Variants in SLC35F4 observed in about 807,000 individuals in gnomAD.
SLC35F4 encodes the protein solute carrier family 35 member F4.
A neutral mutation model predicts 44.2 loss-of-function variants in SLC35F4; 24 were observed. The ratio of observed to expected loss-of-function variants is 0.54; its 90% CI spans 0.39 to 0.76. The LOEUF is 0.76. Ranked by LOEUF, SLC35F4 falls within the 30% of genes least tolerant of loss-of-function variation. The probability of loss-of-function intolerance (pLI) is 0.00; values close to 1 mark genes in which losing one functional copy is unlikely to be tolerated. For missense variants in SLC35F4, 562 were observed against 586.1 expected (o/e 0.96, Z 0.42); for synonymous variants, 238 against 223.6 (o/e 1.06, Z -0.57).
chr14:57,705,357 T>G (rs1397370994), intron 1 of SLC35F4, among the ~76,000 whole-genome samples: 1 of 152,210 alleles, frequency 6.6e-6, no homozygotes, highest in East Asian at 1.9e-4. Flanking sequence ...GCATACACAG[T>G]TATTATTACA....
chr14:57,738,305 A>G (rs1179177059), intron 1 of SLC35F4, among the ~76,000 whole-genome samples: 1 of 152,176 alleles, frequency 6.6e-6, no homozygotes, highest in Non-Finnish European at 1.5e-5. Flanking sequence ...CTGTCCTAGG[A>G]AGAGAAATCG....
intron 1 of SLC35F4, chr14:57,837,222 C>T (rs1175713820): frequency 1.3e-5 from 2 of 152,128 alleles, no homozygotes; most frequent in Admixed American, 1.3e-4. Context: ...TTGCATTTAA[C>T]CAGGAATATC....
At chr14:57,982,816 A>G (rs901376828), upstream of SLC35F4, among the ~76,000 whole-genome samples, 10 of 152,190 alleles carry the variant, frequency 6.6e-5, no homozygotes, top group African/African-American at 2.4e-4. Context: ...CACACTGGCT[A>G]CTTGGAAAGT....
intron 1 of SLC35F4, among the ~76,000 whole-genome samples, chr14:57,913,143 C>T (rs1172245810): frequency 6.6e-6 from 1 of 151,946 alleles, no homozygotes; most frequent in Non-Finnish European, 1.5e-5. Context: ...TTTCCTTTAA[C>T]CTACTTTGTG....
intron 1 of SLC35F4, among the ~76,000 whole-genome samples, chr14:57,708,872 G>A (rs1051836562): frequency 6.6e-6 from 1 of 152,188 alleles, no homozygotes; most frequent in African/African-American, 2.4e-5. Context: ...CCACTGGACA[G>A]GGGGCCCTTC....
intron 1 of SLC35F4, among the ~76,000 whole-genome samples, chr14:57,760,745 T>C (rs1379246285): frequency 6.6e-6 from 1 of 152,212 alleles, no homozygotes; most frequent in Non-Finnish European, 1.5e-5. Context: ...CAATGCCCCT[T>C]AAATTATGAG....
At chr14:57,719,229 G>C (rs1001169256) in intron 1 of SLC35F4, among the ~76,000 whole-genome samples, 3 of 152,078 alleles carry the variant, frequency 2.0e-5, no homozygotes, top group African/African-American at 7.2e-5. Context: ...TGCTGTTTTG[G>C]TTACTATATC....
At chr14:57,962,955 T>G (rs1390568210) in intron 1 of SLC35F4, among the ~76,000 whole-genome samples, 1 of 151,608 alleles carries the variant, frequency 6.6e-6, no homozygotes, top group Admixed American at 6.6e-5. Flanking sequence ...AGTCTTTTTC[T>G]CCACTAAATA....
intron 1 of SLC35F4, among the ~76,000 whole-genome samples, chr14:57,811,694 G>T (rs1881984708): frequency 6.6e-6 from 1 of 152,244 alleles, no homozygotes; most frequent in Admixed American, 6.5e-5. Flanking sequence ...GAATGTGCAT[G>T]TAGAGTTTTC....
At chr14:57,722,568 T>C (rs1016260756) in intron 1 of SLC35F4, among the ~76,000 whole-genome samples, 2 of 152,350 alleles carry the variant, frequency 1.3e-5, no homozygotes, top group East Asian at 1.9e-4. Context: ...TTAACTGCAA[T>C]GGGAGTAATT....
At chr14:57,864,040 T>C (rs1327874082) in intron 1 of SLC35F4, among the ~76,000 whole-genome samples, 1 of 152,198 alleles carries the variant, frequency 6.6e-6, no homozygotes, top group Non-Finnish European at 1.5e-5. Context: ...AAAATGTCAC[T>C]TTTTCAGTAT....
intron 1 of SLC35F4, among the ~76,000 whole-genome samples, chr14:57,670,188 A>AT (rs1257612551): frequency 1.3e-5 from 2 of 152,060 alleles, no homozygotes; most frequent in Non-Finnish European, 2.9e-5. Flanking sequence ...TCACTTTATC[A>AT]TTTTTTATTG....
At chr14:57,980,570 T>A (rs57118140) in intron 1 of SLC35F4, among the ~76,000 whole-genome samples, 14,723 of 152,088 alleles carry the variant, frequency 0.097, 975 homozygotes, top group African/African-American at 0.18. Context: ...AGAGTGAATT[T>A]CAAGCATAGC....
intron 1 of SLC35F4, among the ~76,000 whole-genome samples, chr14:57,754,257 C>G (rs558678202): frequency 4.7e-4 from 72 of 152,072 alleles, no homozygotes; most frequent in African/African-American, 1.7e-3. Context: ...CACATGCCAC[C>G]AGGCCTAGCT....
At chr14:57,696,794 C>T (rs1031518354) in intron 1 of SLC35F4, among the ~76,000 whole-genome samples, 2 of 152,172 alleles carry the variant, frequency 1.3e-5, no homozygotes, top group Non-Finnish European at 2.9e-5. Flanking sequence ...TGGAAACCAT[C>T]ATACTCAGCA....
intron 1 of SLC35F4, among the ~76,000 whole-genome samples, chr14:57,930,960 A>C (rs1889686429): frequency 6.6e-6 from 1 of 152,222 alleles, no homozygotes; most frequent in South Asian, 2.1e-4. Context: ...AAAAATAGGA[A>C]AAAAACTGGA....
chr14:57,734,328 G>A (rs2076416022), intron 1 of SLC35F4, among the ~76,000 whole-genome samples: 1 of 152,150 alleles, frequency 6.6e-6, no homozygotes, highest in South Asian at 2.1e-4. Context: ...AAAATGTCTA[G>A]CAATAGGAGA....
chr14:57,634,165 G>A (rs774867998), intron 1 of SLC35F4, among the ~76,000 whole-genome samples: 23 of 152,102 alleles, frequency 1.5e-4, no homozygotes, highest in African/African-American at 4.8e-5. Context: ...GGGATAAAAC[G>A]GGAAGCAAAG....
chr14:57,622,093 A>T (rs2072214187), intron 1 of SLC35F4, among the ~76,000 whole-genome samples: 2 of 144,202 alleles, frequency 1.4e-5, no homozygotes, highest in South Asian at 4.5e-4. Flanking sequence ...GCCATCAGAG[A>T]AATGCAAATC....
Sources: gnomAD v4.1 joint callset for allele counts (sites outside exome capture counted in the v4.1 genomes callset) on GRCh38, gnomAD v4.1.1 for gene constraint, MANE v1.5 for transcripts, NCBI Gene and HGNC (gene_info 2026-07-23, HGNC 2026-07-21) for gene names.